FRMPD3: variants seen among roughly 807,000 people sequenced by gnomAD.
The protein encoded by FRMPD3 is FERM and PDZ domain containing 3.
FRMPD3 carries 42 observed loss-of-function variants against 97.9 expected under a neutral mutation model. That is an observed-to-expected ratio of 0.43 (90% CI 0.34 to 0.55). The LOEUF is 0.55. Ranked by LOEUF, FRMPD3 falls within the 20% of genes least tolerant of loss-of-function variation. FRMPD3 has a pLI of 0.03. For synonymous variants in FRMPD3, 577 were observed against 581.1 expected (o/e 0.99, Z 0.10); for missense variants, 1,303 against 1,457.7 (o/e 0.89, Z 1.73).
rs767618066 is a variant in FRMPD3 at position 107,507,305 on chromosome X, G to A, written c.-7-19277G>A. On this transcript the variant is annotated intron_variant, in intron 1 of 14. Transcript: ENST00000683843. Reference sequence around the variant, plus strand: ...AAGAGGAAATTGGAAGGCAAGATACGCGGGGATGAAGTTTTGGACGCTGTT... The same window carrying A: ...AAGAGGAAATTGGAAGGCAAGATACACGGGGATGAAGTTTTGGACGCTGTT... 8.2e-4 allele frequency among the ~76,000 whole-genome samples: 91 copies of A among 110,815 alleles called. 1 individual carries two copies. Among genetic ancestry groups the A allele is most frequent in the South Asian group, 2.0e-3 (5 of 2,501 alleles).
In FRMPD3 at chrX:107,526,736, G is replaced by A; in HGVS notation, c.148G>A (p.Gly50Arg). ...TGTGGTGGTTCGATCTGTGAGGCCA[G>A]GTAGGTGTCCCTCAGAGTGTTCCCC... ...RPVVVRSVRPGGPSENKLLAG... is the reference protein window; with the variant it reads ...RPVVVRSVRPRGPSENKLLAG... The change falls in exon 2 of 15, where the codon GGA (glycine) becomes AGA (arginine). Residue 50 changes from glycine (G) to arginine (R), a missense_variant and splice_region_variant. This residue lies in a region of FRMPD3 where 535 missense variants were observed against 618.6 expected (regional missense o/e 0.86). Transcript: ENST00000683843. The A allele has an allele frequency of 8.4e-7, 1 of 1,196,081 alleles. No individual in the cohort carries two copies. Among genetic ancestry groups the A allele is most frequent in the Non-Finnish European group, 1.1e-6 (1 of 887,514 alleles).
intron 8 of FRMPD3, among the ~76,000 whole-genome samples, chrX:107,557,693 G>T (rs77838965): frequency 0.015 from 1,291 of 83,333 alleles, 15 homozygotes; most frequent in Middle Eastern, 0.028. Flanking sequence ...GTGTGTGTGT[G>T]TTTTTTTTTG....
chrX:107,481,797 T>C (rs1405393464), intron 1 of FRMPD3, among the ~76,000 whole-genome samples: 1 of 112,451 alleles, frequency 8.9e-6, no homozygotes, highest in Non-Finnish European at 1.9e-5. Flanking sequence ...TAATTGAGGC[T>C]GGGTCTAAAA....
At position 107,603,536 on chromosome X, in the gene FRMPD3, C is replaced by G; in HGVS notation, c.*163C>G. 1.1e-5 allele frequency: 11 copies of G among 1,027,220 alleles called. No individual in the cohort carries two copies. In the South Asian group the frequency reaches 2.8e-4, roughly 26 times the overall value. 84.7% of individuals were successfully genotyped at this position (1,027,220 alleles called of 1,213,427 possible). Reference sequence around the variant, plus strand: ...GAAACTCTCTTGATTGAGGCTCTCTCTTAAGGGCTGCAGGCTTAGCTGCCG... The same window carrying G: ...GAAACTCTCTTGATTGAGGCTCTCTGTTAAGGGCTGCAGGCTTAGCTGCCG... On this transcript the variant is annotated 3_prime_UTR_variant, in exon 15 of 15. Coordinates refer to ENST00000683843, the MANE Select transcript of FRMPD3 (RefSeq NM_001388459.1).
At chrX:107,545,674 C>G in intron 4 of FRMPD3, 63 bp from the exon 5 acceptor site, 2 of 918,333 alleles carry the variant, frequency 2.2e-6, no homozygotes, top group Non-Finnish European at 3.1e-6. Context: ...TTAACTCTGA[C>G]GTGACAAAGG....
intron 1 of FRMPD3, among the ~76,000 whole-genome samples, chrX:107,479,835 TACACACACACACAC>T (rs72364087): frequency 3.2e-5 from 3 of 94,329 alleles, no homozygotes; most frequent in East Asian, 3.4e-4. Flanking sequence ...TTACCATGAT[TACACACACACACAC>T]ACACACACAC....
At chrX:107,451,562 T>A (rs1421397605) in intron 1 of FRMPD3, among the ~76,000 whole-genome samples, 1 of 112,316 alleles carries the variant, frequency 8.9e-6, no homozygotes, top group Non-Finnish European at 1.9e-5. Context: ...TAAGAGAGGC[T>A]TTTCGGGAAG....
intron 1 of FRMPD3, among the ~76,000 whole-genome samples, chrX:107,524,440 C>T (rs140535851): frequency 0.014 from 1,527 of 112,325 alleles, 16 homozygotes; most frequent in Middle Eastern, 0.023. Flanking sequence ...CATCCCCTTC[C>T]ACCTCCCGAA....
At chrX:107,507,306 C>T (rs190186721) in intron 1 of FRMPD3, among the ~76,000 whole-genome samples, 6 of 109,627 alleles carry the variant, frequency 5.5e-5, no homozygotes, top group Non-Finnish European at 1.1e-4. Context: ...GCAAGATACG[C>T]GGGGATGAAG....
intron 2 of FRMPD3, among the ~76,000 whole-genome samples, chrX:107,529,822 C>T (rs1411845613): frequency 1.8e-5 from 2 of 111,737 alleles, no homozygotes; most frequent in Non-Finnish European, 3.8e-5. Flanking sequence ...GTCCTCCTTT[C>T]GCCTGACCAC....
At position 107,501,698 on chromosome X, in the gene FRMPD3, C is replaced by G. The variant is rs745688706; in HGVS notation, c.-7-24884C>G. 2.9e-5 allele frequency among the ~76,000 whole-genome samples: 3 copies of G among 104,777 alleles called. No homozygotes were observed. In the South Asian group the frequency reaches 1.4e-3, roughly 47 times the overall value. 91.0% of individuals were successfully genotyped at this position (104,777 alleles called of 115,157 possible). A position where few individuals can be genotyped will look rare whatever the true frequency, so the allele number is the denominator to read the frequency against. On this transcript the variant is annotated intron_variant, in intron 1 of 14. Transcript: ENST00000683843. ...AGCAAAATATATATGTGTCTGTGTG[C>G]GTATGTACACTTTTCTGGGGACTCA...
chrX:107,600,603 G>C lies in FRMPD3; in HGVS notation c.2564G>C (p.Gly855Ala). 1 of 1,209,867 alleles carries C rather than the reference G, an allele frequency of 8.3e-7. No homozygotes were observed. The highest frequency in any genetic ancestry group is 1.1e-6 in the Non-Finnish European group (1 of 894,936). The change falls in exon 15 of 15, where the codon GGC becomes GCC. Residue 855 changes from glycine to alanine, a missense_variant. This residue lies in a region of FRMPD3 where 764 missense variants were observed against 820.2 expected (regional missense o/e 0.93). Transcript: ENST00000683843. Reference protein sequence around the residue: ...IATGQSPGPPGARRKLPQSEG... With the variant: ...IATGQSPGPPAARRKLPQSEG... The stretch of plus-strand genomic sequence containing the variant: ...ACAGGCCAGAGTCCTGGCCCCCCTG[G>C]CGCTCGGAGGAAGCTGCCCCAGTCA...
chrX:107,535,169 T>G (rs1490620077), intron 4 of FRMPD3, among the ~76,000 whole-genome samples: 2 of 112,773 alleles, frequency 1.8e-5, no homozygotes, highest in African/African-American at 3.2e-5. Flanking sequence ...AATCTCACCT[T>G]GCAGAAGCCT....
At chrX:107,595,750 A>G (rs1230573958) in intron 13 of FRMPD3, among the ~76,000 whole-genome samples, 1 of 109,949 alleles carries the variant, frequency 9.1e-6, no homozygotes, top group Non-Finnish European at 1.9e-5. Context: ...CAGCCTGGCC[A>G]ACATGGTGAA....
At chrX:107,463,907 A>G (rs1184175500) in intron 1 of FRMPD3, among the ~76,000 whole-genome samples, 1 of 112,258 alleles carries the variant, frequency 8.9e-6, no homozygotes, top group Non-Finnish European at 1.9e-5. Flanking sequence ...GGATGGTAAG[A>G]TGTGATGATT....
At chrX:107,567,391 A>G (rs975704793) in intron 12 of FRMPD3, among the ~76,000 whole-genome samples, 1 of 112,376 alleles carries the variant, frequency 8.9e-6, no homozygotes, top group Non-Finnish European at 1.9e-5. Context: ...CAAAAGCAAA[A>G]CATCAGTAAA....
At chrX:107,522,261 C>T (rs1569415215) in intron 1 of FRMPD3, among the ~76,000 whole-genome samples, 1 of 112,096 alleles carries the variant, frequency 8.9e-6, no homozygotes, top group Non-Finnish European at 1.9e-5. Context: ...CTATCAATAA[C>T]ATCGCCACCT....
chrX:107,557,664 CGTGTGTGT>C (rs760760257), intron 8 of FRMPD3, among the ~76,000 whole-genome samples: 10 of 87,157 alleles, frequency 1.1e-4, no homozygotes, highest in Non-Finnish European at 1.8e-4. Context: ...ATCAAAGTTT[CGTGTGTGT>C]GTGTGTGTGT....
intron 1 of FRMPD3, among the ~76,000 whole-genome samples, chrX:107,489,557 G>A (rs1921601353): frequency 8.9e-6 from 1 of 111,898 alleles, no homozygotes; most frequent in South Asian, 3.7e-4. Flanking sequence ...ATCTCATTGT[G>A]GTTTTGATTT....
Sources: allele counts gnomAD v4.1 joint callset (sites outside exome capture counted in the v4.1 genomes callset), GRCh38; gene constraint gnomAD v4.1.1; regional missense constraint gnomAD v4.1.1; transcripts MANE v1.5; gene names NCBI Gene and HGNC (gene_info 2026-07-23, HGNC 2026-07-21).